Variants in NDUFS4 observed in about 807,000 individuals in gnomAD.
NDUFS4 encodes the protein NADH:ubiquinone oxidoreductase subunit S4.
NDUFS4 carries 28 observed loss-of-function variants against 24.3 expected under a neutral mutation model. The observed-to-expected ratio is 1.15, with a 90% CI of 0.85 to 1.58. NDUFS4 has a LOEUF of 1.58. NDUFS4 is among the 40% of genes most tolerant of loss of function. NDUFS4 has a pLI of 0.00. For synonymous variants in NDUFS4, 93 were observed against 69.7 expected (o/e 1.34, Z -1.67); for missense variants, 223 against 207.9 (o/e 1.07, Z -0.45).
intron 3 of NDUFS4, among the ~76,000 whole-genome samples, chr5:53,647,433 G>T (rs1229355593): frequency 6.6e-6 from 1 of 151,966 alleles, no homozygotes; most frequent in African/African-American, 2.4e-5. Context: ...GCCCGGGCTG[G>T]TCTCGAACTC....
intron 1 of NDUFS4, among the ~76,000 whole-genome samples, chr5:53,601,370 TTAAAA>T (rs1454846566): frequency 2.0e-5 from 3 of 152,186 alleles, no homozygotes; most frequent in Non-Finnish European, 4.4e-5. Flanking sequence ...CCTAAAATTA[TTAAAA>T]TAAACCTATC....
chr5:53,631,499 C>G (rs111537800), intron 2 of NDUFS4, among the ~76,000 whole-genome samples: 5,036 of 152,278 alleles, frequency 0.033, 298 homozygotes, highest in African/African-American at 0.11. Flanking sequence ...CCCCTTCCCC[C>G]AGGTGCTCTG....
intron 1 of NDUFS4, among the ~76,000 whole-genome samples, chr5:53,584,467 T>C (rs1749675672): frequency 6.6e-6 from 1 of 151,968 alleles, no homozygotes; most frequent in Non-Finnish European, 1.5e-5. Flanking sequence ...GTGATTCTTC[T>C]GCCTCAGCCT....
At chr5:53,599,702 T>G (rs1579855770) in intron 1 of NDUFS4, among the ~76,000 whole-genome samples, 1 of 152,162 alleles carries the variant, frequency 6.6e-6, no homozygotes, top group African/African-American at 2.4e-5. Context: ...TACTGTTCTA[T>G]TTTGTATTAT....
At chr5:53,650,419 C>T (rs953293430) in intron 3 of NDUFS4, among the ~76,000 whole-genome samples, 10 of 152,098 alleles carry the variant, frequency 6.6e-5, no homozygotes, top group African/African-American at 2.4e-4. Flanking sequence ...GAAATGAAGA[C>T]CCAAAGAAAC....
chr5:53,651,220 A>G (rs1752007601), intron 3 of NDUFS4, among the ~76,000 whole-genome samples: 1 of 151,950 alleles, frequency 6.6e-6, no homozygotes, highest in Non-Finnish European at 1.5e-5. Flanking sequence ...TACTTATTTG[A>G]TTTGATTAGA....
chr5:53,670,349 T>G, intron 4 of NDUFS4, among the ~76,000 whole-genome samples: 1 of 152,062 alleles, frequency 6.6e-6, no homozygotes, highest in Non-Finnish European at 1.5e-5. Context: ...TGGCCACATG[T>G]GATTTTAGCT....
At chr5:53,636,825 G>A (rs1280534570) in intron 2 of NDUFS4, among the ~76,000 whole-genome samples, 1 of 152,078 alleles carries the variant, frequency 6.6e-6, no homozygotes, top group Admixed American at 6.6e-5. Flanking sequence ...TTAAAAGTAT[G>A]TCGCATCTGC....
chr5:53,600,447 TAC>T (rs1460316551), intron 1 of NDUFS4, among the ~76,000 whole-genome samples: 1 of 152,172 alleles, frequency 6.6e-6, no homozygotes, highest in Non-Finnish European at 1.5e-5. Context: ...TAGCTGGGAC[TAC>T]AGGCATGCCC....
intron 2 of NDUFS4, among the ~76,000 whole-genome samples, chr5:53,607,661 T>C (rs1750565986): frequency 6.6e-6 from 1 of 152,152 alleles, no homozygotes; most frequent in African/African-American, 2.4e-5. Context: ...TCCTTTAAAG[T>C]ACAAAATAGA....
chr5:53,584,703 T>G (rs1484796718), intron 1 of NDUFS4, among the ~76,000 whole-genome samples: 1 of 152,162 alleles, frequency 6.6e-6, no homozygotes, highest in African/African-American at 2.4e-5. Flanking sequence ...TCTTGTTAGA[T>G]CTTTTAAACT....
At chr5:53,619,857 A>T (rs1750976578) in intron 2 of NDUFS4, among the ~76,000 whole-genome samples, 1 of 152,208 alleles carries the variant, frequency 6.6e-6, no homozygotes, top group African/African-American at 2.4e-5. Context: ...GTACCATAAT[A>T]CCTTAGCCAT....
chr5:53,671,778 A>AATC (rs1368885902), intron 4 of NDUFS4, among the ~76,000 whole-genome samples: 15 of 152,158 alleles, frequency 9.9e-5, no homozygotes, highest in African/African-American at 1.4e-4. Flanking sequence ...GGAAGACTAG[A>AATC]ATCTACTACC....
intron 2 of NDUFS4, among the ~76,000 whole-genome samples, chr5:53,641,079 G>A (rs1751693856): frequency 6.6e-6 from 1 of 152,142 alleles, no homozygotes; most frequent in Non-Finnish European, 1.5e-5. Flanking sequence ...TGTCTAATAT[G>A]TAGTAAGTGC....
intron 1 of NDUFS4, among the ~76,000 whole-genome samples, chr5:53,582,750 C>T (rs1455834106): frequency 2.0e-5 from 3 of 152,140 alleles, no homozygotes; most frequent in Non-Finnish European, 2.9e-5. Context: ...AGAACTGTTT[C>T]TTCACCTGTT....
chr5:53,581,238 G>T (rs1436302996), intron 1 of NDUFS4, among the ~76,000 whole-genome samples: 1 of 152,124 alleles, frequency 6.6e-6, no homozygotes, highest in African/African-American at 2.4e-5. Flanking sequence ...CTTCATATCA[G>T]CTAGTCATTA....
intron 1 of NDUFS4, among the ~76,000 whole-genome samples, chr5:53,572,970 GT>G (rs34978747): frequency 0.19 from 20,786 of 111,124 alleles, 1,456 homozygotes; most frequent in East Asian, 0.25. Flanking sequence ...TTTTTTTTTT[GT>G]TTTTTTTTTT....
At chr5:53,628,231 C>T (rs2527568) in intron 2 of NDUFS4, among the ~76,000 whole-genome samples, 14,735 of 152,050 alleles carry the variant, frequency 0.097, 1,019 homozygotes, top group Admixed American at 0.2. Flanking sequence ...GGGATGAAGC[C>T]GACTTGATTG....
chr5:53,603,491 G>A lies in NDUFS4; in HGVS notation c.138G>A (p.Gln46=), dbSNP rs1176874552. The A allele has an allele frequency of 1.5e-5, 25 of 1,613,912 alleles. No homozygotes were observed. The highest frequency in any genetic ancestry group is 2.1e-5 in the Non-Finnish European group (25 of 1,179,958). ...RTSTWRLAQD[Q]TQDTQLITVD... is the part of the protein sequence containing the mutation. Reference sequence around the variant, plus strand: ...CCACATGGAGATTGGCACAGGACCAGACTCAAGACACACAACTCATAACAG... The same window carrying A: ...CCACATGGAGATTGGCACAGGACCAAACTCAAGACACACAACTCATAACAG... Residue 46 remains glutamine, a synonymous_variant, in exon 2 of 5, where the codon CAG becomes CAA. Transcript: ENST00000296684.
Sources: gnomAD v4.1 joint callset for allele counts (sites outside exome capture counted in the v4.1 genomes callset) on GRCh38, gnomAD v4.1.1 for gene constraint, MANE v1.5 for transcripts, NCBI Gene and HGNC (gene_info 2026-07-23, HGNC 2026-07-21) for gene names.